The following UIMC1 variants were observed in gnomAD, a reference collection of about 807,000 sequenced individuals.
UIMC1 encodes the protein ubiquitin interaction motif containing 1, also known as BRCA1-A complex subunit RAP80.
In UIMC1, 42 loss-of-function variants were observed where a neutral mutation model predicts 84.9. The observed-to-expected ratio is 0.49, with a 90% CI of 0.39 to 0.64. UIMC1 has a LOEUF of 0.64. UIMC1 is among the 30% of genes least tolerant of loss of function. The pLI, the probability that UIMC1 is intolerant of heterozygous loss-of-function variation, is 0.00. For missense variants in UIMC1, 825 were observed against 847.6 expected (o/e 0.97, Z 0.33); for synonymous variants, 281 against 293.0 (o/e 0.96, Z 0.42).
At chr5:177,012,556 G>C (rs902174126) in intron 1 of UIMC1, among the ~76,000 whole-genome samples, 2 of 151,988 alleles carry the variant, frequency 1.3e-5, no homozygotes, top group African/African-American at 4.8e-5. Context: ...AGCCAGGCGC[G>C]GTGGCAGGCA....
At chr5:176,972,713 G>A (rs1308772705) in intron 3 of UIMC1, among the ~76,000 whole-genome samples, 1 of 151,880 alleles carries the variant, frequency 6.6e-6, no homozygotes, top group Non-Finnish European at 1.5e-5. Context: ...TCTAACCTGG[G>A]CGACAGAACA....
chr5:176,935,110 T>A (rs919151074), intron 10 of UIMC1, among the ~76,000 whole-genome samples: 56 of 152,192 alleles, frequency 3.7e-4, no homozygotes, highest in African/African-American at 1.3e-3. Flanking sequence ...CACCAATAAT[T>A]ATTTGAGTTG....
chr5:176,933,152 T>C (rs1763323525), intron 10 of UIMC1, among the ~76,000 whole-genome samples: 3 of 152,204 alleles, frequency 2.0e-5, no homozygotes. Flanking sequence ...AAACAAACCC[T>C]GGAAAGCACC....
At chr5:177,003,720 A>C (rs1167913859) in intron 1 of UIMC1, among the ~76,000 whole-genome samples, 3 of 152,200 alleles carry the variant, frequency 2.0e-5, no homozygotes, top group Non-Finnish European at 2.9e-5. Flanking sequence ...GTATAGCATG[A>C]GTAGTACTTG....
intron 1 of UIMC1, among the ~76,000 whole-genome samples, chr5:176,985,245 G>A (rs1410594951): frequency 6.6e-6 from 1 of 151,880 alleles, no homozygotes; most frequent in African/African-American, 2.4e-5. Flanking sequence ...CATTTGACGT[G>A]AGGAGTTGGA....
chr5:177,006,029 AT>A (rs775564110), intron 1 of UIMC1, among the ~76,000 whole-genome samples: 2 of 152,182 alleles, frequency 1.3e-5, no homozygotes, highest in South Asian at 4.1e-4. Context: ...GGGGCAAATA[AT>A]TAGAGAAAAC....
chr5:177,000,404 G>T (rs925029967), intron 1 of UIMC1, among the ~76,000 whole-genome samples: 1 of 151,918 alleles, frequency 6.6e-6, no homozygotes, highest in Admixed American at 6.6e-5. Context: ...CATTTTAACT[G>T]GGGTGAGATA....
intron 1 of UIMC1, among the ~76,000 whole-genome samples, chr5:176,991,017 A>T (rs1233267638): frequency 1.3e-5 from 2 of 150,450 alleles, no homozygotes; most frequent in African/African-American, 2.4e-5. Flanking sequence ...TTTTATTTTT[A>T]TTTTTTTTGA....
In UIMC1 at chr5:176,970,964, C is replaced by T. The variant is rs769648467; in HGVS notation, c.233-98G>A. 3 of 1,433,384 alleles carry T rather than the reference C, an allele frequency of 2.1e-6. No individual in the cohort carries two copies. The South Asian group carries it at 4.0e-5, about 19-fold the overall frequency. 88.8% of individuals were successfully genotyped at this position (1,433,384 alleles called of 1,614,324 possible). ...TTATTAAACTTTTCAACTGAAGACA[C>T]TACCAGACCACTTAGTACAATTTTA... On this transcript the variant is annotated intron_variant, in intron 3 of 14. Transcript: ENST00000511320.
intron 8 of UIMC1, among the ~76,000 whole-genome samples, chr5:176,952,615 T>C (rs1407710778): frequency 6.6e-6 from 1 of 152,228 alleles, no homozygotes; most frequent in African/African-American, 2.4e-5. Flanking sequence ...GGGCCTAAAA[T>C]ATTTCCTATC....
rs770112647 is a variant in UIMC1 at position 176,969,122 on chromosome 5, A to G, written c.633T>C (p.Asn211=). The G allele has an allele frequency of 3.1e-6, 5 of 1,614,196 alleles. No individual in the cohort carries two copies. The highest frequency in any genetic ancestry group is 3.3e-4 in the Middle Eastern group (2 of 6,062). The change falls in exon 6 of 15, where the codon AAT becomes AAC. Residue 211 remains asparagine, a synonymous_variant. Coordinates refer to ENST00000511320, the MANE Select transcript of UIMC1 (RefSeq NM_001199298.2). ...WDQSSQPVFE[N]VNVKSFDRCT... ...ATCTGTCAAAAGATTTAACGTTCAC[A>G]TTCTCAAACACTGGCTGGCTTGACT...
chr5:176,963,349 C>G (rs1173612090), intron 6 of UIMC1, among the ~76,000 whole-genome samples: 1 of 151,626 alleles, frequency 6.6e-6, no homozygotes, highest in Non-Finnish European at 1.5e-5. Context: ...CGTGAAACCC[C>G]ATCTCTACAA....
At chr5:176,947,599 A>G (rs1016368141) in intron 9 of UIMC1, among the ~76,000 whole-genome samples, 37 of 152,220 alleles carry the variant, frequency 2.4e-4, no homozygotes, top group Middle Eastern at 3.4e-3. Flanking sequence ...CGGGTGGATC[A>G]TGAGGTCAGG....
At chr5:176,976,519 T>C (rs887609401) in intron 2 of UIMC1, among the ~76,000 whole-genome samples, 3 of 152,052 alleles carry the variant, frequency 2.0e-5, no homozygotes, top group African/African-American at 7.2e-5. Flanking sequence ...AATAAGAAAA[T>C]AAGCATTGGC....
chr5:176,969,355 T>C (rs116647919), intron 5 of UIMC1, 64 bp from the exon 6 acceptor site: 19,888 of 1,528,930 alleles, frequency 0.013, 166 homozygotes, highest in South Asian at 0.025. Flanking sequence ...GCTTGGTAAG[T>C]TATCACTTAC....
At chr5:176,963,301 C>T (rs1332630504) in intron 6 of UIMC1, among the ~76,000 whole-genome samples, 1 of 151,706 alleles carries the variant, frequency 6.6e-6, no homozygotes, top group Non-Finnish European at 1.5e-5. Flanking sequence ...GGGGCGGATG[C>T]CTTGAGGCCA....
intron 10 of UIMC1, among the ~76,000 whole-genome samples, chr5:176,929,772 C>A (rs1762858889): frequency 6.6e-6 from 1 of 152,174 alleles, no homozygotes; most frequent in African/African-American, 2.4e-5. Flanking sequence ...TTTTGCAAGA[C>A]AAATACCAAA....
In UIMC1 at chr5:176,957,057, G is replaced by A. The variant is rs190311506; in HGVS notation, c.1263-1022C>T. ...TCCAACTCTCTCCTGGTGACAAAGT[G>A]TATAATCATTTATTAAAACCTACAT... On this transcript the variant is annotated intron_variant, in intron 7 of 14. Transcript: ENST00000511320. 2.4e-3 allele frequency among the ~76,000 whole-genome samples: 360 copies of A among 152,206 alleles called. 1 individual carries two copies. Among genetic ancestry groups the A allele is most frequent in the African/African-American group, 8.4e-3 (349 of 41,512 alleles).
intron 3 of UIMC1, among the ~76,000 whole-genome samples, chr5:176,973,706 C>T (rs1362740678): frequency 1.3e-5 from 2 of 152,012 alleles, no homozygotes; most frequent in African/African-American, 2.4e-5. Flanking sequence ...CAGTTCGAGA[C>T]CAGCCTAGGC....
Sources: allele counts gnomAD v4.1 joint callset (sites outside exome capture counted in the v4.1 genomes callset), GRCh38; gene constraint gnomAD v4.1.1; transcripts MANE v1.5; gene names NCBI Gene and HGNC (gene_info 2026-07-23, HGNC 2026-07-21).